The following GLDC variants were observed in gnomAD, a reference collection of about 807,000 sequenced individuals.
The protein encoded by GLDC is glycine dehydrogenase (decarboxylating), mitochondrial.
Under a neutral mutation model 121.3 loss-of-function variants are expected in GLDC, and 104 were observed. The ratio of observed to expected loss-of-function variants is 0.86; its 90% confidence interval spans 0.73 to 1.01. The LOEUF is 1.01. Ranked by LOEUF, GLDC falls within the 50% of genes least tolerant of loss-of-function variation. GLDC has a pLI of 0.00. For missense variants in GLDC, 1,429 were observed against 1,306.6 expected, an observed-to-expected ratio of 1.09 and a Z score of -1.44; for synonymous variants, 546 against 480.6, an observed-to-expected ratio of 1.14 and a Z score of -1.78.
chr9:6,643,725 G>C (rs1165446436), intron 2 of GLDC, among the ~76,000 whole-genome samples: 1 of 151,974 alleles, frequency 6.6e-6, no homozygotes, highest in Non-Finnish European at 1.5e-5. Flanking sequence ...AATCTTATTT[G>C]TGTGTTTTTC....
intron 15 of GLDC, among the ~76,000 whole-genome samples, chr9:6,577,566 A>G (rs934578615): frequency 1.3e-5 from 2 of 152,234 alleles, no homozygotes; most frequent in African/African-American, 4.8e-5. Context: ...TAAATAACAT[A>G]TGATCAAGGC....
intron 8 of GLDC, among the ~76,000 whole-genome samples, chr9:6,597,597 GA>G (rs958600013): frequency 1.3e-5 from 2 of 151,946 alleles, no homozygotes; most frequent in Admixed American, 1.3e-4. Flanking sequence ...TTAAAAATAA[GA>G]AAAGCCAATG....
At chr9:6,561,524 C>T (rs1445492853) in intron 16 of GLDC, among the ~76,000 whole-genome samples, 1 of 152,092 alleles carries the variant, frequency 6.6e-6, no homozygotes, top group East Asian at 1.9e-4. Flanking sequence ...TGGTGCACGC[C>T]TACAGTCCCA....
chr9:6,561,565 C>G (rs1213610052), intron 16 of GLDC, among the ~76,000 whole-genome samples: 1 of 152,184 alleles, frequency 6.6e-6, no homozygotes, highest in East Asian at 1.9e-4. Context: ...ATGAGAATCA[C>G]TTGAACCCGG....
intron 2 of GLDC, among the ~76,000 whole-genome samples, chr9:6,622,484 TCCGCCAG>T (rs1240045822): frequency 1.7e-3 from 260 of 152,064 alleles, no homozygotes; most frequent in African/African-American, 6.1e-3. Flanking sequence ...CCGCGAGTGA[TCCGCCAG>T]CCTCGGCCTC....
At chr9:6,629,027 G>A (rs1587978895) in intron 2 of GLDC, among the ~76,000 whole-genome samples, 1 of 151,656 alleles carries the variant, frequency 6.6e-6, no homozygotes, top group Non-Finnish European at 1.5e-5. Context: ...GTAAGAACTT[G>A]CGCTGCTTCT....
intron 13 of GLDC, 84 bp from the exon 14 acceptor site, chr9:6,588,526 C>T (rs532083055): frequency 2.1e-6 from 3 of 1,426,116 alleles, no homozygotes; most frequent in South Asian, 1.1e-5. Context: ...AGCATGGCCA[C>T]CCCTTTGTTG....
intron 11 of GLDC, among the ~76,000 whole-genome samples, chr9:6,590,587 G>T (rs1163255514): frequency 6.6e-6 from 1 of 152,070 alleles, no homozygotes; most frequent in African/African-American, 2.4e-5. Flanking sequence ...TTCATGAGAG[G>T]AAGTTTCCTG....
chr9:6,622,159 G>GACACACACACACACACAC (rs60752054), intron 2 of GLDC, among the ~76,000 whole-genome samples: 5 of 145,326 alleles, frequency 3.4e-5, no homozygotes, highest in African/African-American at 5.1e-5. Context: ...CACACACACA[G>GACACACACACACACACAC]ACACACACAC....
chr9:6,547,665 G>C (rs1817424607), intron 21 of GLDC, among the ~76,000 whole-genome samples: 1 of 152,050 alleles, frequency 6.6e-6, no homozygotes, highest in Non-Finnish European at 1.5e-5. Context: ...AAAATTTCAA[G>C]CAAAGGATAC....
rs915723643 is a variant in GLDC, at chr9:6,544,563, G to A, written c.2570-4417C>T. On this transcript the variant is annotated intron_variant, in intron 21 of 24. Coordinates refer to ENST00000321612, the MANE Select transcript of GLDC (RefSeq NM_000170.3). ...CTGAGGCAGGAGAATTGCTTGAGCCGGGGAGGCGGGGGTTGCAGTGAGCCG... is the reference window on the plus strand; with the variant it reads ...CTGAGGCAGGAGAATTGCTTGAGCCAGGGAGGCGGGGGTTGCAGTGAGCCG... Among the ~76,000 whole-genome samples, 23 of 150,986 alleles carry A rather than the reference G, an allele frequency of 1.5e-4. No individual in the cohort carries two copies. The Middle Eastern group carries it at 0.014, about 90-fold the overall frequency.
intron 2 of GLDC, among the ~76,000 whole-genome samples, chr9:6,635,635 G>T (rs970364943): frequency 6.6e-6 from 1 of 152,066 alleles, no homozygotes; most frequent in Admixed American, 6.6e-5. Flanking sequence ...CATGTTGGCA[G>T]ACCAAAATGA....
intron 6 of GLDC, 44 bp from the exon 7 acceptor site, chr9:6,604,828 C>T: frequency 6.7e-7 from 1 of 1,491,328 alleles, no homozygotes; most frequent in East Asian, 2.3e-5. Flanking sequence ...GCTACCTTTC[C>T]CTGAGAGTAG....
At chr9:6,634,520 C>T (rs1240100883) in intron 2 of GLDC, among the ~76,000 whole-genome samples, 1 of 147,620 alleles carries the variant, frequency 6.8e-6, no homozygotes, top group African/African-American at 2.6e-5. Flanking sequence ...CATAACCAGA[C>T]CGTGTCTCAA....
At chr9:6,543,895 G>T (rs369365992) in intron 21 of GLDC, among the ~76,000 whole-genome samples, 108 of 151,894 alleles carry the variant, frequency 7.1e-4, no homozygotes, top group East Asian at 2.5e-3. Context: ...GGACAGGAGG[G>T]GGGGGGATGA....
intron 8 of GLDC, among the ~76,000 whole-genome samples, chr9:6,595,616 T>C (rs1818476633): frequency 6.6e-6 from 1 of 152,216 alleles, no homozygotes; most frequent in African/African-American, 2.4e-5. Context: ...GAGGCTGAAC[T>C]TCTGCCAACC....
intron 23 of GLDC, chr9:6,535,830 T>C (rs1817115065): frequency 3.6e-6 from 2 of 549,864 alleles, no homozygotes; most frequent in African/African-American, 3.8e-5. Flanking sequence ...TGTTACAAAT[T>C]CTCCAACTAG....
At chr9:6,593,901 C>T (rs1294204324) in intron 9 of GLDC, among the ~76,000 whole-genome samples, 1 of 151,914 alleles carries the variant, frequency 6.6e-6, no homozygotes, top group African/African-American at 2.4e-5. Flanking sequence ...CCATGTTGGC[C>T]AGGCTGGTCT....
intron 15 of GLDC, among the ~76,000 whole-genome samples, chr9:6,573,893 A>G (rs1021010163): frequency 1.3e-5 from 2 of 152,164 alleles, no homozygotes; most frequent in East Asian, 1.9e-4. Context: ...TAACAATTTA[A>G]CAGTACAAAT....
Sources: gnomAD v4.1 joint callset for allele counts (sites outside exome capture counted in the v4.1 genomes callset) on GRCh38, gnomAD v4.1.1 for gene constraint, MANE v1.5 for transcripts, NCBI Gene and HGNC (gene_info 2026-07-23, HGNC 2026-07-21) for gene names.